The following PITPNC1 variants were observed in gnomAD, a reference collection of about 807,000 sequenced individuals.
PITPNC1 encodes the protein cytoplasmic phosphatidylinositol transfer protein 1.
Under a neutral mutation model 44.7 loss-of-function variants are expected in PITPNC1, and 18 were observed. The ratio of observed to expected loss-of-function variants is 0.40; its 90% CI spans 0.28 to 0.60. The LOEUF is 0.60. Among genes scored for constraint, PITPNC1 ranks in the 20% least tolerant of loss-of-function variants. PITPNC1 has a pLI of 0.39. For synonymous variants in PITPNC1, 141 were observed against 149.6 expected (o/e 0.94, Z 0.42); for missense variants, 290 against 418.4 (o/e 0.69, Z 2.68).
Position 67,553,608 on chromosome 17 carries a change from A to G in PITPNC1, c.287-2A>G. On this transcript the variant is annotated splice_acceptor_variant, in intron 3 of 8. Coordinates refer to ENST00000581322, the MANE Select transcript of PITPNC1 (RefSeq NM_012417.4). LOFTEE classifies it high-confidence loss of function. ...CTTCTTCAAATGAACATGTGGAAAC[A>G]GAATACACAGTAAGTTCCATTTAAT... 1 of 1,231,484 alleles carries G rather than the reference A, an allele frequency of 8.1e-7. No homozygotes were observed. The highest frequency in any genetic ancestry group is 2.5e-5 in the Admixed American group (1 of 39,846). The allele number at this position is 1,231,484 out of a possible 1,614,324, so 76.3% of individuals were successfully genotyped here. A position where few individuals can be genotyped will look rare whatever the true frequency, so the allele number is the denominator to read the frequency against.
At chr17:67,409,480 T>C (rs1262934327) in intron 1 of PITPNC1, among the ~76,000 whole-genome samples, 1 of 152,206 alleles carries the variant, frequency 6.6e-6, no homozygotes, top group Non-Finnish European at 1.5e-5. Flanking sequence ...CTTGTTCTTT[T>C]TCACTCAACA....
intron 5 of PITPNC1, among the ~76,000 whole-genome samples, chr17:67,604,293 G>A (rs2041581037): frequency 6.6e-6 from 1 of 152,198 alleles, no homozygotes; most frequent in Non-Finnish European, 1.5e-5. Flanking sequence ...GCAGAGCTGG[G>A]TTGCCTCAAT....
intron 1 of PITPNC1, among the ~76,000 whole-genome samples, chr17:67,469,511 G>A (rs2039482070): frequency 6.6e-6 from 1 of 152,166 alleles, no homozygotes; most frequent in Admixed American, 6.6e-5. Context: ...CCTGGTCTCG[G>A]TTACCTCCTC....
intron 1 of PITPNC1, among the ~76,000 whole-genome samples, chr17:67,529,234 G>A (rs575450771): frequency 6.6e-6 from 1 of 152,182 alleles, no homozygotes; most frequent in Non-Finnish European, 1.5e-5. Context: ...GGAAGCACTC[G>A]AGCTGAGCCC....
At chr17:67,504,593 T>TA (rs2040076685) in intron 1 of PITPNC1, among the ~76,000 whole-genome samples, 1 of 152,212 alleles carries the variant, frequency 6.6e-6, no homozygotes, top group African/African-American at 2.4e-5. Context: ...AAGCAATGCT[T>TA]ACGATATTTT....
Position 67,692,938 on chromosome 17 carries a change from T to G in PITPNC1, c.*50T>G, listed in dbSNP as rs780525412. On this transcript the variant is annotated 3_prime_UTR_variant, in exon 9 of 9. Coordinates refer to ENST00000581322, the MANE Select transcript of PITPNC1 (RefSeq NM_012417.4). ...TTTATATTTTCATTTGTTGTTGTTG[T>G]TTTTTTTTAAGAATCTTCTGATAGA... The G allele has an allele frequency of 5.3e-6, 6 of 1,124,878 alleles. No individual in the cohort carries two copies. The highest frequency in any genetic ancestry group is 2.1e-4 in the Middle Eastern group (1 of 4,830). The allele number at this position is 1,124,878 out of a possible 1,614,324, so 69.7% of individuals were successfully genotyped here.
intron 1 of PITPNC1, among the ~76,000 whole-genome samples, chr17:67,428,418 T>G (rs1310053935): frequency 6.6e-6 from 1 of 151,788 alleles, no homozygotes; most frequent in Non-Finnish European, 1.5e-5. Flanking sequence ...TGCACACCTA[T>G]AGTCCTAGCT....
intron 1 of PITPNC1, among the ~76,000 whole-genome samples, chr17:67,460,604 A>G (rs769662934): frequency 7.1e-4 from 107 of 151,634 alleles, no homozygotes; most frequent in Middle Eastern, 3.4e-3. Context: ...TAGTAGAGAC[A>G]GGGTTTCACC....
chr17:67,594,978 A>C (rs1353580723), intron 5 of PITPNC1, among the ~76,000 whole-genome samples: 4 of 152,232 alleles, frequency 2.6e-5, no homozygotes, highest in African/African-American at 9.6e-5. Flanking sequence ...TGTTTTAACA[A>C]CTTTACAAAT....
At chr17:67,406,215 G>A (rs1360047963) in intron 1 of PITPNC1, among the ~76,000 whole-genome samples, 3 of 151,774 alleles carry the variant, frequency 2.0e-5, no homozygotes, top group Non-Finnish European at 4.4e-5. Flanking sequence ...CGATCATCAC[G>A]CACTACAGCC....
chr17:67,523,012 A>G (rs894711922), intron 1 of PITPNC1, among the ~76,000 whole-genome samples: 25 of 152,070 alleles, frequency 1.6e-4, no homozygotes, highest in African/African-American at 4.8e-4. Context: ...GACATTCAGT[A>G]CATTCACATT....
At chr17:67,395,848 G>A (rs74794759) in intron 1 of PITPNC1, among the ~76,000 whole-genome samples, 2 of 152,272 alleles carry the variant, frequency 1.3e-5, no homozygotes, top group East Asian at 3.9e-4. Flanking sequence ...AGTCATCGGG[G>A]TACAGATTGT....
At chr17:67,428,120 G>T (rs1487487144) in intron 1 of PITPNC1, among the ~76,000 whole-genome samples, 1 of 152,132 alleles carries the variant, frequency 6.6e-6, no homozygotes, top group Non-Finnish European at 1.5e-5. Flanking sequence ...TCAGCTTCTT[G>T]AGTGGCTGGC....
intron 4 of PITPNC1, among the ~76,000 whole-genome samples, chr17:67,575,879 CTTT>C (rs1209977482): frequency 1.3e-4 from 2 of 15,910 alleles, no homozygotes; most frequent in African/African-American, 3.3e-4. Context: ...TCTTTCTTTC[CTTT>C]TTTTTTTTTT....
intron 8 of PITPNC1, among the ~76,000 whole-genome samples, chr17:67,678,990 T>C (rs1441415316): frequency 6.6e-6 from 1 of 152,192 alleles, no homozygotes; most frequent in Non-Finnish European, 1.5e-5. Flanking sequence ...GAAATGCATA[T>C]TCTCAGGCCC....
chr17:67,477,137 A>T (rs2039641124), intron 1 of PITPNC1, among the ~76,000 whole-genome samples: 1 of 151,952 alleles, frequency 6.6e-6, no homozygotes, highest in South Asian at 2.1e-4. Flanking sequence ...GTGCAATGGC[A>T]TGATCGCAGC....
At chr17:67,384,036 T>C (rs1230064020) in intron 1 of PITPNC1, among the ~76,000 whole-genome samples, 1 of 151,988 alleles carries the variant, frequency 6.6e-6, no homozygotes, top group African/African-American at 2.4e-5. Context: ...AAACTCTGTC[T>C]CAAAAAAACA....
intron 2 of PITPNC1, among the ~76,000 whole-genome samples, chr17:67,548,000 G>T (rs920530064): frequency 6.6e-6 from 1 of 152,100 alleles, no homozygotes; most frequent in Non-Finnish European, 1.5e-5. Flanking sequence ...AGGCTGAGCC[G>T]CACCCTGGGC....
At chr17:67,642,532 AG>A (rs2042103100) in intron 6 of PITPNC1, among the ~76,000 whole-genome samples, 1 of 152,142 alleles carries the variant, frequency 6.6e-6, no homozygotes, top group Non-Finnish European at 1.5e-5. Flanking sequence ...GGAAATAAAA[AG>A]GTGTTAAACA....
Sources: allele counts gnomAD v4.1 joint callset (sites outside exome capture counted in the v4.1 genomes callset), GRCh38; gene constraint gnomAD v4.1.1; transcripts MANE v1.5; gene names NCBI Gene and HGNC (gene_info 2026-07-23, HGNC 2026-07-21).